EPHA6: variants seen among roughly 807,000 people sequenced by gnomAD.
EPHA6 encodes EPH receptor A6.
EPHA6 carries 50 observed loss-of-function variants against 112.0 expected under a neutral mutation model. The observed-to-expected ratio is 0.45, with a 90% CI of 0.36 to 0.56. The LOEUF is 0.56. Among genes scored for constraint, EPHA6 ranks in the 20% least tolerant of loss-of-function variants. The pLI, the probability that EPHA6 is intolerant of heterozygous loss-of-function variation, is 0.00. For missense variants in EPHA6, 1,280 were observed against 1,417.4 expected (o/e 0.90, Z 1.56); for synonymous variants, 529 against 490.7 (o/e 1.08, Z -1.03).
At chr3:97,125,237 G>C (rs2048151156) in intron 3 of EPHA6, among the ~76,000 whole-genome samples, 1 of 152,108 alleles carries the variant, frequency 6.6e-6, no homozygotes, top group South Asian at 2.1e-4. Context: ...TTCAGGACAA[G>C]CATTAACCTT....
intron 13 of EPHA6, among the ~76,000 whole-genome samples, chr3:97,629,812 T>C (rs955019370): frequency 6.6e-6 from 1 of 152,014 alleles, no homozygotes; most frequent in African/African-American, 2.4e-5. Flanking sequence ...AGATATGGTC[T>C]GCAAAAACTT....
intron 7 of EPHA6, among the ~76,000 whole-genome samples, chr3:97,451,428 C>T (rs1040294707): frequency 6.6e-6 from 1 of 151,746 alleles, no homozygotes; most frequent in Non-Finnish European, 1.5e-5. Context: ...TTCTGAATTA[C>T]TGATTCAGGA....
chr3:96,999,298 C>T (rs1384439753), intron 3 of EPHA6, among the ~76,000 whole-genome samples: 2 of 151,838 alleles, frequency 1.3e-5, no homozygotes, highest in African/African-American at 4.8e-5. Context: ...ATTTAAGGGG[C>T]CTAATAAATT....
At chr3:97,254,758 T>C (rs2079252810) in intron 5 of EPHA6, among the ~76,000 whole-genome samples, 1 of 152,206 alleles carries the variant, frequency 6.6e-6, no homozygotes. Flanking sequence ...TTTAATCCCC[T>C]TGTATCTTTT....
chr3:96,862,838 G>T (rs1472475422), intron 1 of EPHA6, among the ~76,000 whole-genome samples: 2 of 151,840 alleles, frequency 1.3e-5, no homozygotes, highest in Non-Finnish European at 2.9e-5. Flanking sequence ...TATTAAATTT[G>T]TGTTTATCAT....
intron 1 of EPHA6, among the ~76,000 whole-genome samples, chr3:96,858,072 G>GA (rs1384473797): frequency 1.3e-5 from 2 of 151,804 alleles, no homozygotes; most frequent in Middle Eastern, 3.4e-3. Context: ...GGAATCAAAG[G>GA]AAAAAAACAC....
At chr3:96,940,103 GT>G (rs1391226143) in intron 2 of EPHA6, among the ~76,000 whole-genome samples, 1 of 152,178 alleles carries the variant, frequency 6.6e-6, no homozygotes, top group Admixed American at 6.6e-5. Flanking sequence ...GGAGAGTTCT[GT>G]AGATGTCTAT....
intron 2 of EPHA6, among the ~76,000 whole-genome samples, chr3:96,886,206 A>C (rs1293109174): frequency 6.6e-6 from 1 of 152,272 alleles, no homozygotes. Context: ...TCCAAGGTGT[A>C]GTTTAAGTCC....
chr3:96,860,508 G>T (rs1387009152), intron 1 of EPHA6, among the ~76,000 whole-genome samples: 1 of 152,012 alleles, frequency 6.6e-6, no homozygotes, highest in Non-Finnish European at 1.5e-5. Flanking sequence ...TTAAACCAAT[G>T]ATTTAAGTGT....
intron 2 of EPHA6, among the ~76,000 whole-genome samples, chr3:96,984,221 A>G (rs1378247898): frequency 2.0e-5 from 3 of 151,914 alleles, no homozygotes; most frequent in Non-Finnish European, 4.4e-5. Flanking sequence ...TGACGTGCAG[A>G]TGGGGTTTTG....
chr3:97,445,540 C>A (rs1009395537), intron 6 of EPHA6, among the ~76,000 whole-genome samples: 2 of 151,916 alleles, frequency 1.3e-5, no homozygotes, highest in Non-Finnish European at 2.9e-5. Context: ...ATAACTATAG[C>A]AGTACTTAGC....
At chr3:97,328,972 C>A (rs944515994) in intron 5 of EPHA6, among the ~76,000 whole-genome samples, 5 of 152,192 alleles carry the variant, frequency 3.3e-5, no homozygotes, top group Admixed American at 6.5e-5. Flanking sequence ...CCCTCTCCCC[C>A]AACCCCACAA....
chr3:97,462,723 C>T (rs2107394603), intron 7 of EPHA6, among the ~76,000 whole-genome samples: 1 of 152,218 alleles, frequency 6.6e-6, no homozygotes, highest in Non-Finnish European at 1.5e-5. Context: ...ATTGGATAGA[C>T]ACAGTTTTGA....
chr3:97,098,855 A>C (rs72920239), intron 3 of EPHA6, among the ~76,000 whole-genome samples: 1,979 of 151,968 alleles, frequency 0.013, 47 homozygotes, highest in African/African-American at 0.044. Flanking sequence ...GGTTGGTAAC[A>C]AATTGGTGGG....
At chr3:97,168,638 C>A (rs891255580) in intron 3 of EPHA6, among the ~76,000 whole-genome samples, 1 of 132,262 alleles carries the variant, frequency 7.6e-6, no homozygotes, top group Non-Finnish European at 1.6e-5. Context: ...TCTCTCCTGC[C>A]GGCCATGTGA....
intron 2 of EPHA6, among the ~76,000 whole-genome samples, chr3:96,909,888 C>G (rs2039129154): frequency 6.6e-6 from 1 of 151,938 alleles, no homozygotes; most frequent in African/African-American, 2.4e-5. Flanking sequence ...CTGTGTATCT[C>G]TGAGCATATA....
chr3:97,195,862 G>T (rs1220741622), intron 3 of EPHA6, among the ~76,000 whole-genome samples: 1 of 151,880 alleles, frequency 6.6e-6, no homozygotes. Context: ...CAAATGTATT[G>T]GAGTTTTCTT....
At chr3:96,826,965 C>T (rs2033703014) in intron 1 of EPHA6, among the ~76,000 whole-genome samples, 1 of 152,068 alleles carries the variant, frequency 6.6e-6, no homozygotes, top group Non-Finnish European at 1.5e-5. Context: ...GAACTTATTC[C>T]TAAGTGGGGT....
At chr3:97,019,835 T>G (rs923668114) in intron 3 of EPHA6, among the ~76,000 whole-genome samples, 2 of 152,188 alleles carry the variant, frequency 1.3e-5, no homozygotes, top group African/African-American at 4.8e-5. Flanking sequence ...ATTTTTGCTT[T>G]TCTTTGTAAG....
Sources: gnomAD v4.1 joint callset for allele counts (sites outside exome capture counted in the v4.1 genomes callset) on GRCh38, gnomAD v4.1.1 for gene constraint, MANE v1.5 for transcripts, NCBI Gene and HGNC (gene_info 2026-07-23, HGNC 2026-07-21) for gene names.